Variants in WDFY3 observed in about 807,000 individuals in gnomAD.
The protein encoded by WDFY3 is WD repeat and FYVE domain-containing protein 3.
In WDFY3, 66 loss-of-function variants were observed where a neutral mutation model predicts 409.6. The ratio of observed to expected loss-of-function variants is 0.16; its 90% CI spans 0.13 to 0.20. The LOEUF (loss-of-function observed/expected upper bound fraction) is 0.20, where lower values mean the gene tolerates loss of function less well. Among genes scored for constraint, WDFY3 ranks in the 10% least tolerant of loss-of-function variants. The pLI, the probability that WDFY3 is intolerant of heterozygous loss-of-function variation, is 1.00. For missense variants in WDFY3, 3,031 were observed against 4,298.1 expected, an observed-to-expected ratio of 0.71 and a Z score of 8.24; for synonymous variants, 1,521 against 1,537.1, an observed-to-expected ratio of 0.99 and a Z score of 0.25.
intron 47 of WDFY3, among the ~76,000 whole-genome samples, chr4:84,718,868 C>A (rs928320756): frequency 1.3e-5 from 2 of 152,126 alleles, no homozygotes; most frequent in Admixed American, 1.3e-4. Context: ...AAGGCTCCTG[C>A]TCTCATGAAG....
intron 1 of WDFY3, among the ~76,000 whole-genome samples, chr4:84,935,011 C>T (rs546724217): frequency 2.6e-5 from 4 of 152,174 alleles, no homozygotes; most frequent in South Asian, 2.1e-4. Flanking sequence ...TTCAATATTA[C>T]GTTTCTAAAA....
intron 57 of WDFY3, 99 bp downstream of exon 57, chr4:84,696,633 G>T: frequency 1.2e-5 from 14 of 1,215,790 alleles, no homozygotes; most frequent in Non-Finnish European, 1.7e-5. Context: ...GGCTGTATTA[G>T]TAACAAACAG....
At chr4:84,724,072 A>T (rs181875639) in intron 46 of WDFY3, among the ~76,000 whole-genome samples, 7 of 152,368 alleles carry the variant, frequency 4.6e-5, no homozygotes, top group Admixed American at 2.6e-4. Flanking sequence ...TTAAGCCCTT[A>T]AAATATCAAG....
At chr4:84,788,124 T>A in intron 22 of WDFY3, among the ~76,000 whole-genome samples, 1 of 152,212 alleles carries the variant, frequency 6.6e-6, no homozygotes, top group Non-Finnish European at 1.5e-5. Context: ...CTAAAATTAC[T>A]GATGAAAAGC....
intron 56 of WDFY3, among the ~76,000 whole-genome samples, chr4:84,699,911 C>T (rs1381383769): frequency 6.6e-6 from 1 of 151,076 alleles, no homozygotes; most frequent in Non-Finnish European, 1.5e-5. Flanking sequence ...GGTTGTTTGT[C>T]TTTTTGTTGT....
intron 2 of WDFY3, among the ~76,000 whole-genome samples, chr4:84,916,526 T>C (rs1159272685): frequency 6.6e-6 from 1 of 152,212 alleles, no homozygotes; most frequent in African/African-American, 2.4e-5. Flanking sequence ...AGCAAGTGAC[T>C]GATCAGTTTG....
At chr4:84,932,519 A>T (rs1770891215) in intron 1 of WDFY3, among the ~76,000 whole-genome samples, 156 bp from the exon 2 acceptor site, 1 of 152,206 alleles carries the variant, frequency 6.6e-6, no homozygotes, top group Non-Finnish European at 1.5e-5. Flanking sequence ...TAAATTTGCT[A>T]TTAAAGATCC....
intron 56 of WDFY3, among the ~76,000 whole-genome samples, chr4:84,698,503 C>T (rs1255391095): frequency 6.6e-6 from 1 of 151,906 alleles, no homozygotes; most frequent in Non-Finnish European, 1.5e-5. Flanking sequence ...GAACTCCTGG[C>T]CTCAAGTGAT....
chr4:84,709,460 G>T, intron 51 of WDFY3, 113 bp from the exon 52 acceptor site: 2 of 814,428 alleles, frequency 2.5e-6, no homozygotes, highest in Non-Finnish European at 3.8e-6. Context: ...AACTATGGAG[G>T]ATCTATTAGT....
chr4:84,705,618 T>C, intron 53 of WDFY3, 107 bp from the exon 54 acceptor site: 3 of 879,928 alleles, frequency 3.4e-6, no homozygotes, highest in East Asian at 2.4e-5. Context: ...AACGCACTAG[T>C]ATCTGTGGGG....
chr4:84,911,747 A>T (rs958282700), intron 2 of WDFY3, among the ~76,000 whole-genome samples: 5 of 152,206 alleles, frequency 3.3e-5, no homozygotes, highest in African/African-American at 1.2e-4. Context: ...ATATATGTAG[A>T]TACCAGTCTA....
At chr4:84,776,161 A>T (rs1446791683) in intron 27 of WDFY3, among the ~76,000 whole-genome samples, 1 of 152,100 alleles carries the variant, frequency 6.6e-6, no homozygotes, top group African/African-American at 2.4e-5. Flanking sequence ...ATACAATAGC[A>T]TAAAAATGGG....
rs553577780 is a variant in WDFY3, at chr4:84,884,783, C to T, written c.-32+12128G>A. On this transcript the variant is annotated intron_variant, in intron 3 of 67. Coordinates refer to ENST00000295888, the MANE Select transcript of WDFY3 (RefSeq NM_014991.6). ...GAGGTGAGAAATCTCAGAGGCAGAC[C>T]CATATATCTAATCAGAACCAAACAT... is the stretch of plus-strand genomic sequence containing the variant. Among the ~76,000 whole-genome samples, 9 of 151,968 alleles carry T rather than the reference C, an allele frequency of 5.9e-5. 1 individual carries two copies. In the South Asian group the frequency reaches 1.9e-3, roughly 32 times the overall value.
At chr4:84,689,786 G>A (rs183682539) in intron 61 of WDFY3, among the ~76,000 whole-genome samples, 229 of 152,192 alleles carry the variant, frequency 1.5e-3, no homozygotes, top group African/African-American at 5.2e-3. Context: ...CTAGAGTTTT[G>A]TATTTGTAGA....
At chr4:84,836,789 C>T (rs1367450961) in intron 7 of WDFY3, 140 bp downstream of exon 7, 22 of 752,598 alleles carry the variant, frequency 2.9e-5, no homozygotes, top group Non-Finnish European at 3.7e-5. Context: ...AAAAATGTGA[C>T]AATTATATGA....
At chr4:84,740,499 G>A in intron 38 of WDFY3, 83 bp from the exon 39 acceptor site, 1 of 1,329,120 alleles carries the variant, frequency 7.5e-7, no homozygotes, top group South Asian at 1.3e-5. Context: ...CTTTTATTAG[G>A]TCTATTATAT....
chr4:84,822,992 T>C (rs1754306014), intron 10 of WDFY3, among the ~76,000 whole-genome samples: 1 of 152,146 alleles, frequency 6.6e-6, no homozygotes, highest in South Asian at 2.1e-4. Context: ...AAATAGTTCA[T>C]GTGATTATTA....
At chr4:84,675,065 G>C (rs1464498346) in intron 67 of WDFY3, among the ~76,000 whole-genome samples, 2 of 151,588 alleles carry the variant, frequency 1.3e-5, no homozygotes, top group African/African-American at 4.8e-5. Context: ...CTGTCTGCTG[G>C]GTTCAAGTGA....
At chr4:84,768,916 T>C (rs1744156460) in intron 30 of WDFY3, among the ~76,000 whole-genome samples, 1 of 152,218 alleles carries the variant, frequency 6.6e-6, no homozygotes. Flanking sequence ...TTAAGAATAT[T>C]CATGATTCAT....
Sources: allele counts gnomAD v4.1 joint callset (sites outside exome capture counted in the v4.1 genomes callset), GRCh38; gene constraint gnomAD v4.1.1; transcripts MANE v1.5; gene names NCBI Gene and HGNC (gene_info 2026-07-23, HGNC 2026-07-21).